The following RGS6 variants were observed in gnomAD, a reference collection of about 807,000 sequenced individuals.
RGS6 encodes regulator of G protein signaling 6, also known as regulator of G-protein signaling 6.
RGS6 carries 30 observed loss-of-function variants against 78.5 expected under a neutral mutation model. The observed-to-expected ratio is 0.38, with a 90% CI of 0.29 to 0.52. RGS6 has a LOEUF of 0.52. RGS6 is among the 20% of genes least tolerant of loss of function. The pLI is 0.85. For missense variants in RGS6, 495 were observed against 609.7 expected (o/e 0.81, Z 1.98); for synonymous variants, 206 against 206.0 (o/e 1.00, Z 0.00).
chr14:71,877,045 G>T, the RGS6 span, among the ~76,000 whole-genome samples: 1 of 152,180 alleles, frequency 6.6e-6, no homozygotes, highest in Non-Finnish European at 1.5e-5. Context: ...CAAGAGGTCC[G>T]CTGTTAGTCT....
At chr14:72,067,547 T>A (rs1207161006) in intron 2 of RGS6, among the ~76,000 whole-genome samples, 2 of 143,886 alleles carry the variant, frequency 1.4e-5, no homozygotes, top group Non-Finnish European at 1.6e-5. Context: ...AGTGCGGCAC[T>A]TTTTAATCAC....
chr14:72,054,126 C>T (rs78814576), intron 2 of RGS6, among the ~76,000 whole-genome samples: 1 of 152,094 alleles, frequency 6.6e-6, no homozygotes, highest in African/African-American at 2.4e-5. Context: ...ACTGATACAC[C>T]CATCATACTG....
At chr14:72,588,125 T>C in the RGS6 span, among the ~76,000 whole-genome samples, 24 of 152,158 alleles carry the variant, frequency 1.6e-4, no homozygotes, top group African/African-American at 5.5e-4. Context: ...TAAAAGACAC[T>C]ACCTAGGGAC....
intron 2 of RGS6, among the ~76,000 whole-genome samples, chr14:71,992,652 G>GTT (rs2095014702): frequency 6.6e-6 from 1 of 152,182 alleles, no homozygotes; most frequent in East Asian, 1.9e-4. Flanking sequence ...TACTCATTAT[G>GTT]TTTTTACGCA....
chr14:71,913,366 C>T, the RGS6 span, among the ~76,000 whole-genome samples: 2 of 152,182 alleles, frequency 1.3e-5, no homozygotes, highest in African/African-American at 4.8e-5. Flanking sequence ...TTTCCATCTT[C>T]CCTGGAAGCT....
chr14:71,882,434 G>T, the RGS6 span, among the ~76,000 whole-genome samples: 1 of 152,188 alleles, frequency 6.6e-6, no homozygotes, highest in African/African-American at 2.4e-5. Flanking sequence ...ATGCATACCT[G>T]TTTGAGCCCC....
At chr14:72,072,409 A>G (rs939141250) in intron 2 of RGS6, among the ~76,000 whole-genome samples, 64 of 152,082 alleles carry the variant, frequency 4.2e-4, no homozygotes, top group African/African-American at 1.4e-3. Context: ...CTTGGGTTCA[A>G]GCAATTCTCC....
At chr14:72,609,779 CAA>C in the RGS6 span, among the ~76,000 whole-genome samples, 1 of 152,070 alleles carries the variant, frequency 6.6e-6, no homozygotes. Context: ...CAGGGTGGGC[CAA>C]ATGGAGATAT....
intron 3 of RGS6, among the ~76,000 whole-genome samples, chr14:72,388,789 T>C (rs1225726896): frequency 6.6e-6 from 1 of 152,200 alleles, no homozygotes; most frequent in African/African-American, 2.4e-5. Flanking sequence ...TTCACTTTAC[T>C]TTACTTCTTT....
chr14:72,052,190 C>T (rs926997065), intron 2 of RGS6, among the ~76,000 whole-genome samples: 6 of 152,146 alleles, frequency 3.9e-5, no homozygotes, highest in African/African-American at 1.4e-4. Flanking sequence ...CCCAAAAAGC[C>T]TCCTGGTATA....
At position 72,384,196 on chromosome 14, in the gene RGS6, GAAAAGATGA is replaced by G. The variant is rs532379116; in HGVS notation, c.184+32007_184+32015del. On this transcript the variant is annotated intron_variant, in intron 3 of 17. Transcript: ENST00000553525. ...AAATAAACACTGGGGCATGGTGATG[GAAAAGATGA>G]AAAAACAGAACGTAAGTTATTTCAA... 9.2e-5 allele frequency among the ~76,000 whole-genome samples: 14 copies of G among 152,258 alleles called. No individual in the cohort carries two copies. In the East Asian group the frequency reaches 2.7e-3, roughly 29 times the overall value.
intron 2 of RGS6, among the ~76,000 whole-genome samples, chr14:72,158,156 G>A (rs559373654): frequency 8.5e-5 from 13 of 152,254 alleles, no homozygotes; most frequent in African/African-American, 3.1e-4. Context: ...TCTGTAGGTG[G>A]GAAGCCTGAG....
chr14:72,523,687 C>T (rs1051917758), intron 15 of RGS6, among the ~76,000 whole-genome samples: 3 of 152,152 alleles, frequency 2.0e-5, no homozygotes, highest in Non-Finnish European at 4.4e-5. Flanking sequence ...TTTGCTGATC[C>T]GTTTAGCTTT....
At chr14:72,276,331 C>A (rs1436159669) in intron 2 of RGS6, among the ~76,000 whole-genome samples, 2 of 152,066 alleles carry the variant, frequency 1.3e-5, no homozygotes, top group East Asian at 3.8e-4. Context: ...ATGTAGCCCC[C>A]TAAGGGAGCC....
chr14:72,097,571 A>G (rs541639090), intron 2 of RGS6, among the ~76,000 whole-genome samples: 34 of 152,206 alleles, frequency 2.2e-4, no homozygotes, highest in Non-Finnish European at 4.4e-4. Flanking sequence ...GAGACCAAGA[A>G]TGAAGAGGAG....
intron 2 of RGS6, among the ~76,000 whole-genome samples, chr14:71,995,691 T>C (rs1372718365): frequency 6.6e-6 from 1 of 152,216 alleles, no homozygotes; most frequent in East Asian, 1.9e-4. Flanking sequence ...AATGTTCCCT[T>C]ATATTCTTAT....
intron 2 of RGS6, among the ~76,000 whole-genome samples, chr14:72,287,546 TC>T (rs2062803194): frequency 1.3e-5 from 2 of 152,160 alleles, no homozygotes; most frequent in Non-Finnish European, 2.9e-5. Context: ...AGCCTCCGCC[TC>T]CCCAGTTCAA....
chr14:72,317,615 C>CCTCCTGTG (rs1317797029), intron 2 of RGS6, among the ~76,000 whole-genome samples: 1 of 152,094 alleles, frequency 6.6e-6, no homozygotes, highest in Non-Finnish European at 1.5e-5. Flanking sequence ...TTCCCTCCAG[C>CCTCCTGTG]CTCCTGTGTT....
chr14:71,951,958 C>T (rs2092361916), intron 1 of RGS6, among the ~76,000 whole-genome samples: 1 of 152,112 alleles, frequency 6.6e-6, no homozygotes. Flanking sequence ...TATTCATTGA[C>T]TTTGCTAAAT....
Sources: allele counts gnomAD v4.1 joint callset (sites outside exome capture counted in the v4.1 genomes callset), GRCh38; gene constraint gnomAD v4.1.1; transcripts MANE v1.5; gene names NCBI Gene and HGNC (gene_info 2026-07-23, HGNC 2026-07-21).